ABHD6: variants seen among roughly 807,000 people sequenced by gnomAD.
ABHD6 encodes abhydrolase domain containing 6, acylglycerol lipase, also known as monoacylglycerol lipase ABHD6.
Under a neutral mutation model 38.8 loss-of-function variants are expected in ABHD6, and 33 were observed. The ratio of observed to expected loss-of-function variants is 0.85; its 90% CI spans 0.64 to 1.14. The LOEUF is 1.14. Among genes scored for constraint, ABHD6 ranks in the 50% most tolerant of loss-of-function variants. ABHD6 has a pLI of 0.00. For missense variants in ABHD6, 380 were observed against 422.6 expected (o/e 0.90, Z 0.88); for synonymous variants, 147 against 161.6 (o/e 0.91, Z 0.69).
intron 1 of ABHD6, among the ~76,000 whole-genome samples, chr3:58,242,557 T>C (rs1022187277): frequency 1.3e-5 from 2 of 152,106 alleles, no homozygotes; most frequent in African/African-American, 2.4e-5. Flanking sequence ...CAGTCAGCAG[T>C]TGGTTTTGTT....
At chr3:58,283,241 C>G (rs1554124) in intron 7 of ABHD6, among the ~76,000 whole-genome samples, 14,091 of 152,256 alleles carry the variant, frequency 0.093, 761 homozygotes, top group African/African-American at 0.13. Flanking sequence ...TCTCCCAGCA[C>G]TGATCTCTTC....
intron 7 of ABHD6, among the ~76,000 whole-genome samples, chr3:58,284,354 T>C (rs1440534722): frequency 1.3e-5 from 2 of 152,206 alleles, no homozygotes; most frequent in Non-Finnish European, 2.9e-5. Context: ...TGTTGTTTAA[T>C]AGACCTATCA....
chr3:58,285,305 A>G lies in ABHD6; in HGVS notation c.737-48A>G. 1 of 1,586,752 alleles carries G rather than the reference A, an allele frequency of 6.3e-7. No individual in the cohort carries two copies. Among genetic ancestry groups the G allele is most frequent in the Non-Finnish European group, 8.7e-7 (1 of 1,155,148 alleles). ...TATCCCTTGATTCTGCGGTGGTGCC[A>G]CAGGCACAGTCCAGCACATACTCAC... On this transcript the variant is annotated intron_variant, in intron 8 of 9. Coordinates refer to ENST00000478253, the MANE Select transcript of ABHD6 (RefSeq NM_001320126.2). This position sits in a 1 kb window ranked among gnomAD's most constrained non-coding sequence, Gnocchi z 4.9.
chr3:58,266,098 C>T lies in ABHD6; in HGVS notation c.120-1091C>T, dbSNP rs1044445174. 1.3e-5 allele frequency among the ~76,000 whole-genome samples: 2 copies of T among 152,174 alleles called. No individual in the cohort carries two copies. Among genetic ancestry groups the T allele is most frequent in the African/African-American group, 2.4e-5 (1 of 41,426 alleles). ...AGAAGAGCTTTTAAGCTAGCCAATGCTATTATGTTCTTTACGTTTTGAGTA... is the reference window on the plus strand; with the variant it reads ...AGAAGAGCTTTTAAGCTAGCCAATGTTATTATGTTCTTTACGTTTTGAGTA... On this transcript the variant is annotated intron_variant, in intron 3 of 9. Coordinates refer to ENST00000478253, the MANE Select transcript of ABHD6 (RefSeq NM_001320126.2). The surrounding 1 kb of genome is among the most constrained non-coding windows in gnomAD (Gnocchi z 4.0).
intron 4 of ABHD6, among the ~76,000 whole-genome samples, chr3:58,268,159 G>T (rs114307194): frequency 6.6e-6 from 1 of 152,118 alleles, no homozygotes; most frequent in Admixed American, 6.6e-5. Context: ...TATATAAAAC[G>T]TATGGCTTAG....
rs372693629 is a variant in ABHD6, at chr3:58,264,693, CA to C, written c.120-2490del. ...GTGACAGAGTAAGACCCCATCTCAA[CA>C]AAAAACCCCACCACTTTTCTAATTT... On this transcript the variant is annotated intron_variant, in intron 3 of 9. Transcript: ENST00000478253. Among the ~76,000 whole-genome samples the C allele has an allele frequency of 1.4e-3, 218 of 152,100 alleles. 1 individual carries two copies. Among genetic ancestry groups the C allele is most frequent in the African/African-American group, 4.7e-3 (194 of 41,512 alleles).
intron 2 of ABHD6, among the ~76,000 whole-genome samples, chr3:58,250,274 A>G (rs1406320009): frequency 6.6e-6 from 1 of 152,154 alleles, no homozygotes; most frequent in Admixed American, 6.5e-5. Flanking sequence ...GGCAGGGAAG[A>G]GTTCATCAGG....
At chr3:58,250,419 G>T (rs953202134) in intron 2 of ABHD6, among the ~76,000 whole-genome samples, 1 of 152,162 alleles carries the variant, frequency 6.6e-6, no homozygotes, top group African/African-American at 2.4e-5. Context: ...GTTGAGCTGG[G>T]ACTACATGGG....
rs1268800862 is a variant in ABHD6, at chr3:58,285,931, A to T, written c.837+478A>T. Among the ~76,000 whole-genome samples, 1 of 149,456 alleles carries T rather than the reference A, an allele frequency of 6.7e-6. No individual in the cohort carries two copies. The highest frequency in any genetic ancestry group is 2.0e-4 in the East Asian group (1 of 5,088). ...TGGCTCACTGCAACTTCTGCCTCCCAGGTTCAAGCGATTCTCCTGCCTCAG... is the reference window on the plus strand; with the variant it reads ...TGGCTCACTGCAACTTCTGCCTCCCTGGTTCAAGCGATTCTCCTGCCTCAG... On this transcript the variant is annotated intron_variant, in intron 9 of 9. Transcript: ENST00000478253. This position sits in a 1 kb window ranked among gnomAD's most constrained non-coding sequence, Gnocchi z 4.9.
Position 58,256,559 on chromosome 3 carries a change from C to G in ABHD6, c.-25-3C>G, listed in dbSNP as rs747150772. On this transcript the variant is annotated splice_polypyrimidine_tract_variant and splice_region_variant and intron_variant, in intron 2 of 9. Transcript: ENST00000478253. This position sits in a 1 kb window ranked among gnomAD's most constrained non-coding sequence, Gnocchi z 4.3. ...ATATCGTCATTCTCTTTGGCCCCTG[C>G]AGGAGTCAGCCAGCCTGAAAGAGCA... 1 of 1,545,988 alleles carries G rather than the reference C, an allele frequency of 6.5e-7. No homozygotes were observed. The highest frequency in any genetic ancestry group is 8.9e-7 in the Non-Finnish European group (1 of 1,120,356).
chr3:58,245,025 T>C (rs2097425350), intron 1 of ABHD6, among the ~76,000 whole-genome samples: 1 of 152,196 alleles, frequency 6.6e-6, no homozygotes, highest in Admixed American at 6.5e-5. Context: ...ACAAGGACCC[T>C]GAATGCTAGA....
intron 9 of ABHD6, among the ~76,000 whole-genome samples, chr3:58,286,874 A>ATG (rs2097457788): frequency 7.4e-5 from 10 of 134,756 alleles, no homozygotes; most frequent in South Asian, 2.5e-4. Context: ...ATATATGTAT[A>ATG]TGTATATATA....
intron 9 of ABHD6, among the ~76,000 whole-genome samples, chr3:58,292,431 G>C (rs1041983256): frequency 6.6e-6 from 1 of 152,186 alleles, no homozygotes; most frequent in Non-Finnish European, 1.5e-5. Flanking sequence ...TTCTGAGGGA[G>C]GATGTTGGGG....
chr3:58,286,848 G>GCATATATATATATATATATA (rs746605515), intron 9 of ABHD6, among the ~76,000 whole-genome samples: 1,484 of 69,844 alleles, frequency 0.021, 133 homozygotes, highest in Middle Eastern at 0.033. Context: ...GTGTGTGTGT[G>GCATATATATATATATATATA]TGTGTATATA....
At chr3:58,249,557 C>T (rs2097428611) in intron 1 of ABHD6, among the ~76,000 whole-genome samples, 1 of 152,196 alleles carries the variant, frequency 6.6e-6, no homozygotes, top group African/African-American at 2.4e-5. Flanking sequence ...AGCCCTAACC[C>T]CGATGGAGGA....
rs760561931 is a variant in ABHD6 at position 58,256,214 on chromosome 3, T to C, written c.-25-348T>C. 2.6e-5 allele frequency among the ~76,000 whole-genome samples: 4 copies of C among 152,128 alleles called. No homozygotes were observed. Among genetic ancestry groups the C allele is most frequent in the African/African-American group, 7.2e-5 (3 of 41,418 alleles). ...CAAACATCTCCTAAAAGGGAAGATA[T>C]TCTCCTACATACATACATAATCACA... is the stretch of plus-strand genomic sequence containing the variant. On this transcript the variant is annotated intron_variant, in intron 2 of 9. Transcript: ENST00000478253. This position sits in a 1 kb window ranked among gnomAD's most constrained non-coding sequence, Gnocchi z 4.3.
At chr3:58,290,933 G>T (rs879086012) in intron 9 of ABHD6, among the ~76,000 whole-genome samples, 16 of 151,146 alleles carry the variant, frequency 1.1e-4, no homozygotes, top group Admixed American at 1.1e-3. Context: ...CATCCCAGAC[G>T]ATGGGCGGCC....
intron 7 of ABHD6, among the ~76,000 whole-genome samples, chr3:58,276,219 T>C (rs1389332939): frequency 1.3e-5 from 2 of 152,226 alleles, no homozygotes; most frequent in Non-Finnish European, 2.9e-5. Context: ...TGAACTACTT[T>C]ACACTCCCAC....
At chr3:58,254,249 T>G (rs1385011586) in intron 2 of ABHD6, among the ~76,000 whole-genome samples, 1 of 152,214 alleles carries the variant, frequency 6.6e-6, no homozygotes, top group East Asian at 1.9e-4. Context: ...CACTTGCCTT[T>G]CCTATGTGAC....
Sources: allele counts gnomAD v4.1 joint callset (sites outside exome capture counted in the v4.1 genomes callset), GRCh38; gene constraint gnomAD v4.1.1; non-coding constraint Gnocchi (gnomAD v3.1); transcripts MANE v1.5; gene names NCBI Gene and HGNC (gene_info 2026-07-23, HGNC 2026-07-21).